Variants in FAM174A observed in about 807,000 individuals in gnomAD.
FAM174A encodes family with sequence similarity 174 member A.
In FAM174A, 14 loss-of-function variants were observed where a neutral mutation model predicts 14.3. The ratio of observed to expected loss-of-function variants is 0.98; its 90% CI spans 0.65 to 1.53. The LOEUF is 1.53. Among genes scored for constraint, FAM174A ranks in the 40% most tolerant of loss-of-function variants. The pLI, the probability that FAM174A is intolerant of heterozygous loss-of-function variation, is 0.00. For synonymous variants in FAM174A, 108 were observed against 111.4 expected (o/e 0.97, Z 0.19); for missense variants, 241 against 249.6 (o/e 0.97, Z 0.23).
intron 1 of FAM174A, among the ~76,000 whole-genome samples, chr5:100,549,108 G>A (rs1035825722): frequency 6.6e-6 from 1 of 152,042 alleles, no homozygotes; most frequent in African/African-American, 2.4e-5. Flanking sequence ...GAACTGACAG[G>A]GCTGTAGATA....
intron 1 of FAM174A, among the ~76,000 whole-genome samples, chr5:100,559,673 C>A (rs1036876207): frequency 6.6e-6 from 1 of 151,958 alleles, no homozygotes; most frequent in Non-Finnish European, 1.5e-5. Flanking sequence ...CTCTAAAATT[C>A]TCTTGTCACT....
intron 2 of FAM174A, among the ~76,000 whole-genome samples, chr5:100,574,683 A>G (rs1746864483): frequency 6.6e-6 from 1 of 152,164 alleles, no homozygotes; most frequent in Non-Finnish European, 1.5e-5. Flanking sequence ...CTTATTGAAT[A>G]AAAATTAGCA....
intron 2 of FAM174A, among the ~76,000 whole-genome samples, chr5:100,584,099 A>T (rs1480063917): frequency 2.0e-5 from 3 of 152,182 alleles, no homozygotes; most frequent in Non-Finnish European, 4.4e-5. Flanking sequence ...GGGACAAAGC[A>T]TCAGTGGAAC....
At chr5:100,555,149 A>G (rs559913546) in intron 1 of FAM174A, among the ~76,000 whole-genome samples, 1 of 151,876 alleles carries the variant, frequency 6.6e-6, no homozygotes, top group East Asian at 1.9e-4. Context: ...TCATTGTTCA[A>G]TTCCCAGCTA....
At chr5:100,556,571 T>G (rs1181918098) in intron 1 of FAM174A, among the ~76,000 whole-genome samples, 1 of 152,220 alleles carries the variant, frequency 6.6e-6, no homozygotes, top group African/African-American at 2.4e-5. Flanking sequence ...TTCCTACCCA[T>G]GAGCATGGAA....
intron 1 of FAM174A, among the ~76,000 whole-genome samples, chr5:100,552,904 GC>G (rs748726848): frequency 7.9e-5 from 12 of 152,148 alleles, no homozygotes; most frequent in Admixed American, 5.9e-4. Context: ...TAACCATATA[GC>G]TTTTTTCTTT....
At chr5:100,551,324 C>A (rs1746258614) in intron 1 of FAM174A, among the ~76,000 whole-genome samples, 1 of 152,114 alleles carries the variant, frequency 6.6e-6, no homozygotes, top group Admixed American at 6.6e-5. Flanking sequence ...CATGCCAGGA[C>A]AATAACCCCT....
intron 2 of FAM174A, among the ~76,000 whole-genome samples, chr5:100,584,749 G>A (rs1012198578): frequency 1.3e-5 from 2 of 152,152 alleles, no homozygotes; most frequent in African/African-American, 4.8e-5. Context: ...TAATGAAGCT[G>A]CAGTGACAGT....
At chr5:100,539,485 C>G (rs796947169) in intron 1 of FAM174A, among the ~76,000 whole-genome samples, 2 of 152,192 alleles carry the variant, frequency 1.3e-5, no homozygotes, top group African/African-American at 4.8e-5. Context: ...TACTTTGTAA[C>G]TGAAAGATTA....
intron 2 of FAM174A, among the ~76,000 whole-genome samples, chr5:100,563,912 A>G (rs192529443): frequency 1.3e-5 from 2 of 152,056 alleles, no homozygotes; most frequent in East Asian, 1.9e-4. Context: ...TCTCATGTCA[A>G]TTGTAACCCT....
chr5:100,577,703 C>T (rs1204090785), intron 2 of FAM174A, among the ~76,000 whole-genome samples: 1 of 151,972 alleles, frequency 6.6e-6, no homozygotes, highest in African/African-American at 2.4e-5. Context: ...TATTAAAGTA[C>T]TAATATTTAC....
At chr5:100,568,883 T>C (rs1746719939) in intron 2 of FAM174A, among the ~76,000 whole-genome samples, 1 of 151,956 alleles carries the variant, frequency 6.6e-6, no homozygotes, top group South Asian at 2.1e-4. Context: ...ATTTGAAATA[T>C]AATTTAATTT....
At chr5:100,550,959 C>G (rs1050541637) in intron 1 of FAM174A, among the ~76,000 whole-genome samples, 2 of 151,984 alleles carry the variant, frequency 1.3e-5, no homozygotes, top group Non-Finnish European at 2.9e-5. Flanking sequence ...ATGAGCCATC[C>G]TGTGCTCATC....
chr5:100,564,175 A>C (rs1746589555), intron 2 of FAM174A, among the ~76,000 whole-genome samples: 1 of 151,914 alleles, frequency 6.6e-6, no homozygotes, highest in South Asian at 2.1e-4. Flanking sequence ...TATAGTCTGC[A>C]GAACCACGAG....
At chr5:100,556,320 T>C (rs1746380095) in intron 1 of FAM174A, among the ~76,000 whole-genome samples, 1 of 152,226 alleles carries the variant, frequency 6.6e-6, no homozygotes, top group Non-Finnish European at 1.5e-5. Context: ...TTGGTATCAG[T>C]ACCATGCTGT....
chr5:100,544,030 T>G (rs2112366741), intron 1 of FAM174A, among the ~76,000 whole-genome samples: 1 of 152,296 alleles, frequency 6.6e-6, no homozygotes, highest in Non-Finnish European at 1.5e-5. Flanking sequence ...AATAGTAGAT[T>G]TTCACGTTTT....
chr5:100,574,819 C>T (rs1746869102), intron 2 of FAM174A, among the ~76,000 whole-genome samples: 1 of 152,084 alleles, frequency 6.6e-6, no homozygotes, highest in African/African-American at 2.4e-5. Context: ...TATTTCTGGC[C>T]TGGACAGAGT....
chr5:100,582,740 A>G (rs1044356951), intron 2 of FAM174A, among the ~76,000 whole-genome samples: 1 of 152,190 alleles, frequency 6.6e-6, no homozygotes, highest in Admixed American at 6.5e-5. Context: ...TTACCGTATT[A>G]TAAATTTCCA....
intron 2 of FAM174A, among the ~76,000 whole-genome samples, chr5:100,580,787 A>T (rs1746995954): frequency 6.6e-6 from 1 of 152,154 alleles, no homozygotes; most frequent in African/African-American, 2.4e-5. Context: ...CAGCTGAGGG[A>T]TAGCTTGTCC....
Sources: allele counts gnomAD v4.1 joint callset (sites outside exome capture counted in the v4.1 genomes callset), GRCh38; gene constraint gnomAD v4.1.1; transcripts MANE v1.5; gene names NCBI Gene and HGNC (gene_info 2026-07-23, HGNC 2026-07-21).